The following CEP112 variants were observed in gnomAD, a reference collection of about 807,000 sequenced individuals.
CEP112 encodes centrosomal protein of 112 kDa.
In CEP112, 127 loss-of-function variants were observed where a neutral mutation model predicts 153.0. The observed-to-expected ratio is 0.83, with a 90% CI of 0.72 to 0.96. The LOEUF (loss-of-function observed/expected upper bound fraction) is 0.96. CEP112 is among the 40% of genes least tolerant of loss of function. CEP112 has a pLI of 0.00. For missense variants in CEP112, 1,089 were observed against 1,101.2 expected, an observed-to-expected ratio of 0.99 and a Z score of 0.16; for synonymous variants, 358 against 374.4, an observed-to-expected ratio of 0.96 and a Z score of 0.51.
rs774927473 is a variant in CEP112, at chr17:65,637,174, T to C, written c.2814A>G (p.Gln938=). Reference sequence around the variant, plus strand: ...CTTCCTGAAGGATGGAAGCTCTCTTTTGCAGAAAATTAACCTAGAAAAGAC... The same window carrying C: ...CTTCCTGAAGGATGGAAGCTCTCTTCTGCAGAAAATTAACCTAGAAAAGAC... The part of the protein sequence containing the change: ...SSLKSQVNFL[Q]KRASILQEEL... Residue 938 remains glutamine, a synonymous_variant, in exon 26 of 27, where the codon CAA becomes CAG. Transcript: ENST00000535342. 3 of 1,613,914 alleles carry C rather than the reference T, an allele frequency of 1.9e-6. No individual in the cohort carries two copies. The Admixed American group carries it at 5.0e-5, about 27-fold the overall frequency.
intron 5 of CEP112, among the ~76,000 whole-genome samples, chr17:66,132,210 C>G (rs1215964806): frequency 9.5e-6 from 1 of 105,288 alleles, no homozygotes; most frequent in Non-Finnish European, 1.8e-5. Flanking sequence ...AAAAAGCTAA[C>G]TGGAGTGCTC....
At position 65,928,329 on chromosome 17, in the gene CEP112, G is replaced by C. The variant is rs534445645; in HGVS notation, c.1873-640C>G. Among the ~76,000 whole-genome samples, 7 of 152,298 alleles carry C rather than the reference G, an allele frequency of 4.6e-5. No individual in the cohort carries two copies. In the East Asian group the frequency reaches 1.3e-3, roughly 29 times the overall value. ...TCAGAACCTTCAACACTGCTGCTGG[G>C]AATATAAAATGGTATAGACATGCTG... On this transcript the variant is annotated intron_variant, in intron 18 of 26. Transcript: ENST00000535342.
intron 10 of CEP112, among the ~76,000 whole-genome samples, chr17:66,064,813 G>T (rs2067053423): frequency 6.6e-6 from 1 of 152,096 alleles, no homozygotes; most frequent in Non-Finnish European, 1.5e-5. Context: ...TAAAGAAGAA[G>T]ACCTGGAAAT....
intron 17 of CEP112, among the ~76,000 whole-genome samples, chr17:65,963,471 ACATAT>A (rs1376247463): frequency 5.3e-5 from 8 of 152,186 alleles, no homozygotes; most frequent in Non-Finnish European, 1.2e-4. Context: ...ATAAGAACGT[ACATAT>A]CATATATCAA....
intron 21 of CEP112, among the ~76,000 whole-genome samples, chr17:65,838,149 TA>T (rs889495686): frequency 1.1e-4 from 16 of 151,660 alleles, no homozygotes; most frequent in Admixed American, 7.9e-4. Flanking sequence ...AAAAATGGAT[TA>T]AAAAAAAGAC....
rs182064375 is a variant in CEP112, at chr17:66,032,883, A to G, written c.1219-2860T>C. Among the ~76,000 whole-genome samples, 343 of 152,286 alleles carry G rather than the reference A, an allele frequency of 2.3e-3. 1 individual carries two copies. The highest frequency in any genetic ancestry group is 8.0e-3 in the African/African-American group (333 of 41,544). ...AATTACAGGAATAGTCCAGAAGAAG[A>G]AGTCTCGTGGCTGGAAATCCTGAAA... On this transcript the variant is annotated intron_variant, in intron 12 of 26. Transcript: ENST00000535342.
intron 11 of CEP112, among the ~76,000 whole-genome samples, chr17:66,057,980 C>T (rs529507318): frequency 2.0e-5 from 3 of 152,096 alleles, no homozygotes; most frequent in Non-Finnish European, 4.4e-5. Flanking sequence ...GTTATTCCAG[C>T]TACTTGGGAG....
At chr17:65,656,545 A>G (rs189173585) in intron 24 of CEP112, among the ~76,000 whole-genome samples, 2 of 152,328 alleles carry the variant, frequency 1.3e-5, no homozygotes, top group East Asian at 3.9e-4. Flanking sequence ...GTTTTTGTAA[A>G]TAAAGTTTTA....
intron 12 of CEP112, among the ~76,000 whole-genome samples, chr17:66,033,896 C>G (rs551826474): frequency 6.6e-6 from 1 of 152,076 alleles, no homozygotes; most frequent in Admixed American, 6.6e-5. Context: ...AACAGCTGAC[C>G]TTGAATGATA....
chr17:66,064,435 A>C (rs1335768482), intron 10 of CEP112, among the ~76,000 whole-genome samples: 4 of 152,192 alleles, frequency 2.6e-5, no homozygotes, highest in Non-Finnish European at 5.9e-5. Flanking sequence ...TTAAGTGAAA[A>C]TGTGTTTAAT....
At chr17:65,929,979 C>G (rs1036156116) in intron 18 of CEP112, among the ~76,000 whole-genome samples, 1 of 152,186 alleles carries the variant, frequency 6.6e-6, no homozygotes, top group Admixed American at 6.5e-5. Flanking sequence ...GAAAATGGTG[C>G]CTTTTATTCA....
chr17:65,898,654 T>C (rs895583261), intron 20 of CEP112, among the ~76,000 whole-genome samples: 4 of 152,044 alleles, frequency 2.6e-5, no homozygotes, highest in Non-Finnish European at 5.9e-5. Context: ...GCCACTGTAC[T>C]ATATGCAAAT....
intron 18 of CEP112, among the ~76,000 whole-genome samples, chr17:65,936,295 C>CT (rs1698972732): frequency 6.6e-6 from 1 of 150,874 alleles, no homozygotes. Context: ...AAAAGAGAAG[C>CT]TTCTCAACAA....
chr17:65,710,620 T>C (rs1313741421), intron 23 of CEP112, among the ~76,000 whole-genome samples: 4 of 152,190 alleles, frequency 2.6e-5, no homozygotes, highest in Admixed American at 2.0e-4. Context: ...AGAAGCCTCA[T>C]GTCAGATACT....
intron 3 of CEP112, among the ~76,000 whole-genome samples, chr17:66,176,119 A>G (rs1297817064): frequency 2.0e-5 from 3 of 152,246 alleles, no homozygotes; most frequent in African/African-American, 7.2e-5. Context: ...TTGTGCTTTA[A>G]GTAAACTAAT....
chr17:66,010,549 T>C (rs2064476855), intron 16 of CEP112, among the ~76,000 whole-genome samples: 1 of 152,048 alleles, frequency 6.6e-6, no homozygotes, highest in Admixed American at 6.6e-5. Flanking sequence ...TTTTCAAAGG[T>C]ATGTCTCCAG....
At chr17:66,128,888 AAC>A (rs1196302229) in intron 6 of CEP112, among the ~76,000 whole-genome samples, 6 of 152,188 alleles carry the variant, frequency 3.9e-5, no homozygotes, top group African/African-American at 1.2e-4. Context: ...ATCTTATAAA[AAC>A]ACACAGAAAA....
intron 20 of CEP112, among the ~76,000 whole-genome samples, chr17:65,881,857 A>C (rs957698995): frequency 2.0e-5 from 3 of 152,242 alleles, no homozygotes; most frequent in Non-Finnish European, 4.4e-5. Flanking sequence ...TGAGGATTTC[A>C]ACATAAACTT....
intron 21 of CEP112, among the ~76,000 whole-genome samples, chr17:65,779,894 CTACTGAGTTTTCCATTAAACTCAG>C (rs949881521): frequency 2.6e-5 from 4 of 152,050 alleles, no homozygotes; most frequent in Non-Finnish European, 5.9e-5. Context: ...TATACTGGAC[CTACTGAGTTTTCCATTAAACTCAG>C]TACTGAGTTT....
Sources: allele counts gnomAD v4.1 joint callset (sites outside exome capture counted in the v4.1 genomes callset), GRCh38; gene constraint gnomAD v4.1.1; transcripts MANE v1.5; gene names NCBI Gene and HGNC (gene_info 2026-07-23, HGNC 2026-07-21).